The following FHIT variants were observed in gnomAD, a reference collection of about 807,000 sequenced individuals.
FHIT encodes the protein bis(5'-adenosyl)-triphosphatase.
Under a neutral mutation model 17.9 loss-of-function variants are expected in FHIT, and 19 were observed. The ratio of observed to expected loss-of-function variants is 1.06; its 90% confidence interval spans 0.74 to 1.56. The LOEUF (loss-of-function observed/expected upper bound fraction) is 1.56. FHIT is among the 40% of genes most tolerant of loss of function. The probability of loss-of-function intolerance (pLI) is 0.00; values close to 1 mark genes in which losing one functional copy is unlikely to be tolerated. For missense variants in FHIT, 248 were observed against 189.2 expected, an observed-to-expected ratio of 1.31 and a Z score of -1.82; for synonymous variants, 81 against 69.7, an observed-to-expected ratio of 1.16 and a Z score of -0.81.
chr3:59,793,115 T>C (rs1449368476), intron 8 of FHIT, among the ~76,000 whole-genome samples: 1 of 152,168 alleles, frequency 6.6e-6, no homozygotes, highest in Non-Finnish European at 1.5e-5. Context: ...GTGTTTGATA[T>C]TCACTGAATG....
intron 3 of FHIT, among the ~76,000 whole-genome samples, chr3:60,966,022 G>A (rs1335491359): frequency 1.3e-5 from 2 of 152,078 alleles, no homozygotes; most frequent in Non-Finnish European, 2.9e-5. Context: ...TTTCAGCTAT[G>A]CCCTGACCCT....
intron 7 of FHIT, among the ~76,000 whole-genome samples, chr3:60,001,787 T>A (rs537942233): frequency 6.6e-6 from 1 of 152,186 alleles, no homozygotes; most frequent in Admixed American, 6.5e-5. Flanking sequence ...GAGCTTGGAG[T>A]CACATTTATT....
chr3:60,974,681 G>C (rs1710162270), intron 3 of FHIT, among the ~76,000 whole-genome samples: 1 of 152,294 alleles, frequency 6.6e-6, no homozygotes, highest in South Asian at 2.1e-4. Context: ...CAACAAGAGT[G>C]ATTAACCCTC....
rs138500144 is a variant in FHIT, at chr3:60,798,878, C to G, written c.-18+23041G>C. ...GTTCAAGTGATTCTTGTGCATCAGC[C>G]TCCCAAGTAGCTGGGATCACAGGTG... On this transcript the variant is annotated intron_variant, in intron 4 of 9. Transcript: ENST00000492590. 5.6e-3 allele frequency among the ~76,000 whole-genome samples: 844 copies of G among 151,118 alleles called. 9 individuals are homozygous for G. The highest frequency in any genetic ancestry group is 0.019 in the African/African-American group (767 of 41,092).
chr3:60,808,694 T>G (rs1345375842), intron 4 of FHIT, among the ~76,000 whole-genome samples: 1 of 152,198 alleles, frequency 6.6e-6, no homozygotes, highest in East Asian at 1.9e-4. Context: ...ATTGGTTGTT[T>G]CCAAGTTACT....
intron 4 of FHIT, among the ~76,000 whole-genome samples, chr3:60,655,252 T>C (rs1315107732): frequency 6.6e-6 from 1 of 152,248 alleles, no homozygotes; most frequent in African/African-American, 2.4e-5. Context: ...GACTGGGAAC[T>C]GTTACTTTGC....
intron 2 of FHIT, among the ~76,000 whole-genome samples, chr3:61,123,759 T>C (rs555703187): frequency 5.3e-5 from 8 of 152,278 alleles, no homozygotes; most frequent in Non-Finnish European, 1.0e-4. Flanking sequence ...GGTGTTCTAA[T>C]TGTAGTGTTT....
chr3:60,710,866 A>G (rs2041508527), intron 4 of FHIT, among the ~76,000 whole-genome samples: 1 of 152,214 alleles, frequency 6.6e-6, no homozygotes, highest in Non-Finnish European at 1.5e-5. Flanking sequence ...ACAAAAAGAC[A>G]GCAGTAACCT....
At chr3:60,839,110 C>T (rs1553744406) in intron 3 of FHIT, among the ~76,000 whole-genome samples, 1 of 152,118 alleles carries the variant, frequency 6.6e-6, no homozygotes, top group African/African-American at 2.4e-5. Flanking sequence ...TAGAGGGCCT[C>T]ATCCTCTACT....
chr3:60,569,065 T>C (rs2107657854), intron 4 of FHIT, among the ~76,000 whole-genome samples: 1 of 152,212 alleles, frequency 6.6e-6, no homozygotes, highest in Non-Finnish European at 1.5e-5. Flanking sequence ...GGGCTTGCCT[T>C]ATTGCCTGTC....
In FHIT at chr3:60,410,960, A is replaced by C. The variant is rs372180231; in HGVS notation, c.103+125900T>G. 5.9e-5 allele frequency among the ~76,000 whole-genome samples: 9 copies of C among 152,256 alleles called. 1 individual carries two copies. The South Asian group carries it at 6.2e-4, about 11-fold the overall frequency. ...TATGTGTACTTTCTTCTTGACCATT[A>C]ATTCTTGAGCCCTGAGGCAGATAGA... On this transcript the variant is annotated intron_variant, in intron 5 of 9. Transcript: ENST00000492590.
At chr3:60,468,576 C>T (rs567089440) in intron 5 of FHIT, among the ~76,000 whole-genome samples, 4 of 152,070 alleles carry the variant, frequency 2.6e-5, no homozygotes, top group African/African-American at 9.6e-5. Flanking sequence ...AATAAAAACA[C>T]TATACTTTTC....
intron 5 of FHIT, among the ~76,000 whole-genome samples, chr3:60,473,076 A>C (rs1048923652): frequency 6.6e-6 from 1 of 152,210 alleles, no homozygotes; most frequent in Non-Finnish European, 1.5e-5. Context: ...AGTTTGAAAA[A>C]GGAAAAGCTA....
chr3:60,439,924 T>G (rs1360164277), intron 5 of FHIT, among the ~76,000 whole-genome samples: 2 of 152,216 alleles, frequency 1.3e-5, no homozygotes, highest in African/African-American at 4.8e-5. Flanking sequence ...TGTGTTTATG[T>G]TCATGCTGCG....
chr3:60,169,290 A>C (rs1310394426), intron 5 of FHIT, among the ~76,000 whole-genome samples: 1 of 152,200 alleles, frequency 6.6e-6, no homozygotes, highest in Non-Finnish European at 1.5e-5. Context: ...CACAGCTTTC[A>C]GGGGTACTGT....
chr3:60,966,514 C>G (rs6414609), intron 3 of FHIT, among the ~76,000 whole-genome samples: 137,244 of 152,240 alleles, frequency 0.9, 61,942 homozygotes, highest in East Asian at 1. Context: ...CTTCTGCACT[C>G]CTCACGCTGG....
chr3:60,419,932 G>A (rs560001069), intron 5 of FHIT, among the ~76,000 whole-genome samples: 10 of 152,216 alleles, frequency 6.6e-5, no homozygotes, highest in African/African-American at 2.4e-4. Flanking sequence ...ACCAAAAAAT[G>A]AAATAAACAA....
chr3:60,221,341 T>C lies in FHIT; in HGVS notation c.104-207189A>G, dbSNP rs115591609. On this transcript the variant is annotated intron_variant, in intron 5 of 9. Coordinates refer to ENST00000492590, the MANE Select transcript of FHIT (RefSeq NM_002012.4). Reference sequence around the variant, plus strand: ...GACAACTTCACCAGGAGAACAGCAGTTCAGTACAACAGGAAGGCCAGTGTC... The same window carrying C: ...GACAACTTCACCAGGAGAACAGCAGCTCAGTACAACAGGAAGGCCAGTGTC... Among the ~76,000 whole-genome samples, 947 of 152,136 alleles carry C rather than the reference T, an allele frequency of 6.2e-3. 9 individuals carry two copies. The highest frequency in any genetic ancestry group is 0.021 in the African/African-American group (869 of 41,522).
intron 5 of FHIT, among the ~76,000 whole-genome samples, chr3:60,100,668 A>G (rs1399924139): frequency 2.0e-5 from 3 of 152,246 alleles, no homozygotes; most frequent in Admixed American, 2.0e-4. Context: ...CATGGGGTAG[A>G]AGGGGCTCGA....
Sources: allele counts gnomAD v4.1 joint callset (sites outside exome capture counted in the v4.1 genomes callset), GRCh38; gene constraint gnomAD v4.1.1; transcripts MANE v1.5; gene names NCBI Gene and HGNC (gene_info 2026-07-23, HGNC 2026-07-21).